NVL: variants seen among roughly 807,000 people sequenced by gnomAD.
NVL encodes the protein nuclear valosin-containing protein-like.
A neutral mutation model predicts 110.2 loss-of-function variants in NVL; 84 were observed. The observed-to-expected ratio is 0.76, with a 90% CI of 0.64 to 0.91. NVL has a LOEUF of 0.91. Among genes scored for constraint, NVL ranks in the 40% least tolerant of loss-of-function variants. The pLI, the probability that NVL is intolerant of heterozygous loss-of-function variation, is 0.00. For synonymous variants in NVL, 354 were observed against 361.1 expected, an observed-to-expected ratio of 0.98 and a Z score of 0.22; for missense variants, 882 against 1,035.9, an observed-to-expected ratio of 0.85 and a Z score of 2.04.
chr1:224,267,409 C>T (rs982718563), intron 18 of NVL, among the ~76,000 whole-genome samples: 1 of 151,998 alleles, frequency 6.6e-6, no homozygotes, highest in African/African-American at 2.4e-5. Context: ...GTATGCTGGT[C>T]GGGTGCAGTG....
intron 2 of NVL, among the ~76,000 whole-genome samples, chr1:224,326,089 C>T (rs1450277980): frequency 1.3e-5 from 2 of 152,080 alleles, no homozygotes; most frequent in African/African-American, 2.4e-5. Flanking sequence ...ATGACTGGCC[C>T]GGTTTTAATT....
rs376964787 is a variant in NVL at position 224,287,880 on chromosome 1, G to A, written c.1689C>T (p.Val563=). The A allele has an allele frequency of 3.1e-6, 5 of 1,613,952 alleles. No individual in the cohort carries two copies. In the African/African-American group the frequency reaches 6.7e-5, roughly 22 times the overall value. ...AGCCTTCCCTTTTGGCAGAGGGTTG[G>A]ACTGAGGATAGAGCAACAATGAAAT... ...LNDFIVALSS[V]QPSAKREGFV... is the part of the protein sequence containing the mutation. The change falls in exon 14 of 23, where the codon GTC becomes GTT. Residue 563 remains valine (V), a synonymous_variant. Coordinates refer to ENST00000281701, the MANE Select transcript of NVL (RefSeq NM_002533.4).
intron 19 of NVL, among the ~76,000 whole-genome samples, chr1:224,244,379 T>A (rs1056719936): frequency 1.3e-5 from 2 of 151,390 alleles, no homozygotes; most frequent in Admixed American, 1.3e-4. Flanking sequence ...AAAAAAAAAA[T>A]TTCTACTTCT....
At chr1:224,250,375 A>AT (rs1329047915) in intron 18 of NVL, 57 bp from the exon 19 acceptor site, 2 of 1,425,450 alleles carry the variant, frequency 1.4e-6, no homozygotes, top group Non-Finnish European at 1.9e-6. Flanking sequence ...TTATTTTTTT[A>AT]TTTTTTTGAG....
In NVL at chr1:224,275,419, G is replaced by A; in HGVS notation, c.2002C>T (p.Gln668Ter). The change falls in exon 17 of 23, where the codon CAA (glutamine) becomes TAA (stop). Residue 668 changes from glutamine (Q) to a stop codon, truncating the protein, a stop_gained. Coordinates refer to ENST00000281701, the MANE Select transcript of NVL (RefSeq NM_002533.4). LOFTEE classifies it high-confidence loss of function. ...CAGGGTGCTGAGTTCTTGGCTCGTT[G>A]AAAAACTTGTCGCACAGCACGTTCA... Reference protein sequence around the residue: ...ESERAVRQVFQRAKNSAPCVI... With the variant: ...ESERAVRQVF The A allele has an allele frequency of 6.2e-7, 1 of 1,614,136 alleles. No homozygotes were observed. Among genetic ancestry groups the A allele is most frequent in the Non-Finnish European group, 8.5e-7 (1 of 1,180,032 alleles).
rs773760116 is a variant in NVL, at chr1:224,308,270, G to A, written c.343-7C>T. The A allele has an allele frequency of 3.8e-6, 6 of 1,588,150 alleles. No individual in the cohort carries two copies. The highest frequency in any genetic ancestry group is 5.1e-6 in the Non-Finnish European group (6 of 1,168,992). ...TGTTCATGTGATTTGCTGACTGGCA[G>A]AAAGATAAAACAAAATTGTAGCATA... On this transcript the variant is annotated splice_polypyrimidine_tract_variant and splice_region_variant and intron_variant, in intron 5 of 22. Coordinates refer to ENST00000281701, the MANE Select transcript of NVL (RefSeq NM_002533.4).
intron 18 of NVL, among the ~76,000 whole-genome samples, chr1:224,256,782 T>G (rs1663311824): frequency 6.6e-6 from 1 of 152,162 alleles, no homozygotes; most frequent in African/African-American, 2.4e-5. Context: ...CCTACCATTG[T>G]CTTTCCCGTC....
chr1:224,291,257 G>A (rs1667348849), intron 12 of NVL, among the ~76,000 whole-genome samples: 1 of 152,102 alleles, frequency 6.6e-6, no homozygotes, highest in Non-Finnish European at 1.5e-5. Context: ...CCTGGCTGGA[G>A]TGCAATGGCA....
intron 11 of NVL, among the ~76,000 whole-genome samples, chr1:224,296,067 G>A (rs1667855976): frequency 6.6e-6 from 1 of 151,850 alleles, no homozygotes; most frequent in Non-Finnish European, 1.5e-5. Context: ...GGAGGTCAAG[G>A]CTGCGGTGAG....
intron 13 of NVL, 144 bp downstream of exon 13, chr1:224,289,340 G>A (rs909231576): frequency 1.6e-5 from 10 of 636,642 alleles, no homozygotes; most frequent in African/African-American, 3.7e-5. Flanking sequence ...GATAAACATC[G>A]TGGGTATAAA....
rs758554937 is a variant in NVL, at chr1:224,308,215, T to C, written c.391A>G (p.Asn131Asp). The change falls in exon 6 of 23, where the codon AAT (asparagine) becomes GAT (aspartate). Residue 131 changes from asparagine to aspartate, a missense_variant. Physicochemically the swap from Asn to Asp is conservative, Grantham distance 23. Transcript: ENST00000281701. Reference sequence around the variant, plus strand: ...GGAGTATTTGAAACAGAATCAGGATTTCCTTTCCGATATAAAGACAGCAGG... The same window carrying C: ...GGAGTATTTGAAACAGAATCAGGATCTCCTTTCCGATATAAAGACAGCAGG... Reference protein sequence around the residue: ...SSLLSLYRKGNPDSVSNTPEM... With the variant: ...SSLLSLYRKGDPDSVSNTPEM... 5.0e-6 allele frequency: 8 copies of C among 1,613,168 alleles called. No homozygotes were observed. The highest frequency in any genetic ancestry group is 6.8e-6 in the Non-Finnish European group (8 of 1,179,750).
intron 19 of NVL, among the ~76,000 whole-genome samples, chr1:224,245,851 G>A (rs890127184): frequency 2.1e-4 from 32 of 152,054 alleles, no homozygotes; most frequent in African/African-American, 7.7e-4. Flanking sequence ...TACTCGGGAG[G>A]TGGGATCCGT....
intron 6 of NVL, among the ~76,000 whole-genome samples, chr1:224,306,560 C>T (rs985826773): frequency 1.3e-5 from 2 of 151,932 alleles, no homozygotes; most frequent in African/African-American, 4.8e-5. Flanking sequence ...GCCACTGCAC[C>T]CGGCCAAAAA....
intron 5 of NVL, among the ~76,000 whole-genome samples, chr1:224,309,880 A>G (rs1280177695): frequency 6.6e-6 from 1 of 152,194 alleles, no homozygotes; most frequent in African/African-American, 2.4e-5. Flanking sequence ...AATGCCAAAA[A>G]GTAGCTAGGT....
At chr1:224,236,015 CCT>C (rs1477055724) in intron 20 of NVL, among the ~76,000 whole-genome samples, 1 of 151,912 alleles carries the variant, frequency 6.6e-6, no homozygotes, top group Admixed American at 6.6e-5. Context: ...TCATTTCCTC[CCT>C]CTGTGTCCCC....
rs546069402 is a variant in NVL at position 224,283,303 on chromosome 1, C to T, written c.1900-2118G>A. Among the ~76,000 whole-genome samples, 896 of 152,088 alleles carry T rather than the reference C, an allele frequency of 5.9e-3. 1 individual carries two copies. Among genetic ancestry groups the T allele is most frequent in the Non-Finnish European group, 9.6e-3 (656 of 67,980 alleles). ...GAGATCGAGACCATCCTGGCTAATG[C>T]GGCAAAACCCCGTCTCTACTAAAAA... On this transcript the variant is annotated intron_variant, in intron 15 of 22. Transcript: ENST00000281701.
intron 2 of NVL, among the ~76,000 whole-genome samples, chr1:224,318,558 C>A (rs1176478307): frequency 6.6e-6 from 1 of 151,330 alleles, no homozygotes; most frequent in Admixed American, 6.6e-5. Context: ...GCCGTGATTG[C>A]GCCAATGCAC....
chr1:224,260,447 C>T (rs564345785), intron 18 of NVL, among the ~76,000 whole-genome samples: 4 of 151,970 alleles, frequency 2.6e-5, no homozygotes, highest in African/African-American at 4.8e-5. Flanking sequence ...TCAGTAGAGA[C>T]GGGTTTCACC....
chr1:224,285,679 A>G (rs2102614814), intron 15 of NVL, among the ~76,000 whole-genome samples: 1 of 152,282 alleles, frequency 6.6e-6, no homozygotes, highest in African/African-American at 2.4e-5. Flanking sequence ...AGAGGAAAAT[A>G]CTTAAGTTAT....
Sources: allele counts gnomAD v4.1 joint callset (sites outside exome capture counted in the v4.1 genomes callset), GRCh38; gene constraint gnomAD v4.1.1; transcripts MANE v1.5; gene names NCBI Gene and HGNC (gene_info 2026-07-23, HGNC 2026-07-21).